Variants in LHFPL3 observed in about 807,000 individuals in gnomAD.
The protein encoded by LHFPL3 is LHFPL tetraspan subfamily member 3 protein.
LHFPL3 carries 5 observed loss-of-function variants against 19.3 expected under a neutral mutation model. That is an observed-to-expected ratio of 0.26 (90% CI 0.14 to 0.54). The LOEUF (loss-of-function observed/expected upper bound fraction) is 0.54, where lower values mean the gene tolerates loss of function less well. Among genes scored for constraint, LHFPL3 ranks in the 20% least tolerant of loss-of-function variants. The pLI is 0.94. For synonymous variants in LHFPL3, 133 were observed against 126.2 expected, an observed-to-expected ratio of 1.05 and a Z score of -0.36; for missense variants, 249 against 307.4, an observed-to-expected ratio of 0.81 and a Z score of 1.42.
rs897255365 is a variant in LHFPL3, at chr7:104,672,895, C to CT, written c.446-63770dup. ...AGCAAATGAATGCTCGGGGTTTCTG[C>CT]TTTTTTTTTTCTCCACTCAATCACT... is the stretch of plus-strand genomic sequence containing the variant. On this transcript the variant is annotated intron_variant, in intron 1 of 2. Coordinates refer to ENST00000424859, the MANE Select transcript of LHFPL3 (RefSeq NM_199000.3). Among the ~76,000 whole-genome samples the CT allele has an allele frequency of 1.5e-4, 22 of 149,330 alleles. No individual in the cohort carries two copies. The East Asian group carries it at 2.3e-3, about 16-fold the overall frequency.
At chr7:104,431,256 A>G (rs985667332) in intron 1 of LHFPL3, among the ~76,000 whole-genome samples, 1 of 152,148 alleles carries the variant, frequency 6.6e-6, no homozygotes, top group Admixed American at 6.5e-5. Context: ...AACATCCTTC[A>G]TCAGATGCTT....
chr7:104,490,342 C>G (rs1213417314), intron 1 of LHFPL3, among the ~76,000 whole-genome samples: 2 of 151,986 alleles, frequency 1.3e-5, no homozygotes, highest in Non-Finnish European at 2.9e-5. Context: ...TGGAAGCAGC[C>G]CAAATCATCT....
chr7:104,584,243 G>C (rs140248403), intron 1 of LHFPL3, among the ~76,000 whole-genome samples: 1 of 151,964 alleles, frequency 6.6e-6, no homozygotes, highest in Non-Finnish European at 1.5e-5. Flanking sequence ...TAACTCATAG[G>C]TGGGAATTGA....
chr7:104,656,421 G>A (rs963286602), intron 1 of LHFPL3, among the ~76,000 whole-genome samples: 1 of 152,144 alleles, frequency 6.6e-6, no homozygotes, highest in Non-Finnish European at 1.5e-5. Context: ...GCTAGGGGCT[G>A]CTTTCCGGGG....
chr7:104,616,340 T>C (rs1791339718), intron 1 of LHFPL3, among the ~76,000 whole-genome samples: 1 of 152,154 alleles, frequency 6.6e-6, no homozygotes, highest in Non-Finnish European at 1.5e-5. Context: ...GCCACACATC[T>C]AAAACCATCT....
chr7:104,662,622 GAC>G (rs904015077), intron 1 of LHFPL3, among the ~76,000 whole-genome samples: 14 of 152,150 alleles, frequency 9.2e-5, no homozygotes, highest in African/African-American at 3.4e-4. Flanking sequence ...TTGGATGAAT[GAC>G]ACAAACAAAT....
chr7:104,771,839 T>A (rs1705324026), intron 2 of LHFPL3, among the ~76,000 whole-genome samples: 1 of 111,864 alleles, frequency 8.9e-6, no homozygotes. Context: ...TTTTTTTTTT[T>A]TTTGAGACGG....
chr7:104,603,623 A>G lies in LHFPL3; in HGVS notation c.446-133052A>G, dbSNP rs568599720. ...CTGAGGTAAAATCCCTCCATCTGTGAATCTGTGAAATCAAAACAAGTTATT... is the reference window on the plus strand; with the variant it reads ...CTGAGGTAAAATCCCTCCATCTGTGGATCTGTGAAATCAAAACAAGTTATT... On this transcript the variant is annotated intron_variant, in intron 1 of 2. Transcript: ENST00000424859. Among the ~76,000 whole-genome samples, 207 of 152,338 alleles carry G rather than the reference A, an allele frequency of 1.4e-3. 2 individuals carry two copies. Among genetic ancestry groups the G allele is most frequent in the African/African-American group, 4.8e-3 (199 of 41,586 alleles).
chr7:104,720,863 G>A (rs1211927204), intron 1 of LHFPL3, among the ~76,000 whole-genome samples: 1 of 152,148 alleles, frequency 6.6e-6, no homozygotes, highest in Admixed American at 6.5e-5. Context: ...AGTTAGAATG[G>A]CGATCATTAA....
chr7:104,681,791 A>G (rs1349341495), intron 1 of LHFPL3, among the ~76,000 whole-genome samples: 2 of 152,204 alleles, frequency 1.3e-5, no homozygotes, highest in Non-Finnish European at 2.9e-5. Flanking sequence ...TATTCTTTCA[A>G]CAAATATCAT....
chr7:104,680,131 C>T (rs1009216070), intron 1 of LHFPL3, among the ~76,000 whole-genome samples: 1 of 152,136 alleles, frequency 6.6e-6, no homozygotes, highest in East Asian at 1.9e-4. Flanking sequence ...GAGGAAGGAA[C>T]GCAATGAGCT....
At chr7:104,463,975 C>T (rs1203985280) in intron 1 of LHFPL3, among the ~76,000 whole-genome samples, 2 of 152,164 alleles carry the variant, frequency 1.3e-5, no homozygotes, top group Non-Finnish European at 2.9e-5. Flanking sequence ...CGTCCAAAGT[C>T]TCACCTGAGA....
intron 2 of LHFPL3, among the ~76,000 whole-genome samples, chr7:104,801,908 T>C (rs1485318711): frequency 6.6e-6 from 1 of 152,176 alleles, no homozygotes; most frequent in Non-Finnish European, 1.5e-5. Flanking sequence ...CTTTCTCTCT[T>C]ACCATTGGGT....
chr7:104,775,941 T>C (rs1196470895), intron 2 of LHFPL3, among the ~76,000 whole-genome samples: 1 of 152,030 alleles, frequency 6.6e-6, no homozygotes, highest in Non-Finnish European at 1.5e-5. Context: ...CTCTCTAAAA[T>C]GCATCTGATT....
chr7:104,502,808 A>G (rs1191480155), intron 1 of LHFPL3, among the ~76,000 whole-genome samples: 1 of 152,220 alleles, frequency 6.6e-6, no homozygotes, highest in Non-Finnish European at 1.5e-5. Flanking sequence ...CTTATTGTTT[A>G]CACAACTCTA....
At chr7:104,770,417 A>T (rs77128592) in intron 2 of LHFPL3, among the ~76,000 whole-genome samples, 2,066 of 152,312 alleles carry the variant, frequency 0.014, 46 homozygotes, top group African/African-American at 0.047. Context: ...GGTCTCAATA[A>T]AGAGAAGGTA....
chr7:104,714,050 T>A (rs1412095973), intron 1 of LHFPL3, among the ~76,000 whole-genome samples: 1 of 152,238 alleles, frequency 6.6e-6, no homozygotes, highest in Non-Finnish European at 1.5e-5. Context: ...GATCACGCAT[T>A]GTTCTTCTTT....
At chr7:104,650,745 T>G (rs1792016854) in intron 1 of LHFPL3, among the ~76,000 whole-genome samples, 1 of 152,102 alleles carries the variant, frequency 6.6e-6, no homozygotes, top group Admixed American at 6.5e-5. Flanking sequence ...ACACAGTACA[T>G]GAAGAATGCT....
At chr7:104,394,566 A>G (rs1369580174) in intron 1 of LHFPL3, among the ~76,000 whole-genome samples, 1 of 152,208 alleles carries the variant, frequency 6.6e-6, no homozygotes, top group Admixed American at 6.5e-5. Flanking sequence ...CATCAGGAGA[A>G]TTAATTTTTG....
Sources: gnomAD v4.1 joint callset for allele counts (sites outside exome capture counted in the v4.1 genomes callset) on GRCh38, gnomAD v4.1.1 for gene constraint, MANE v1.5 for transcripts, NCBI Gene and HGNC (gene_info 2026-07-23, HGNC 2026-07-21) for gene names.